Variants in PGAP2 observed in about 807,000 individuals in gnomAD.
PGAP2 encodes acyltransferase PGAP2.
In PGAP2, 21 loss-of-function variants were observed where a neutral mutation model predicts 33.2. The observed-to-expected ratio is 0.63, with a 90% CI of 0.45 to 0.91. The LOEUF is 0.91. Among genes scored for constraint, PGAP2 ranks in the 40% least tolerant of loss-of-function variants. PGAP2 has a pLI of 0.00. For synonymous variants in PGAP2, 161 were observed against 172.9 expected (o/e 0.93, Z 0.54); for missense variants, 345 against 424.0 (o/e 0.81, Z 1.64).
At chr11:3,814,748 TTTTCTTTCTTTC>T (rs57460101) in intron 2 of PGAP2, among the ~76,000 whole-genome samples, 6,355 of 111,168 alleles carry the variant, frequency 0.057, 260 homozygotes, top group African/African-American at 0.068. Flanking sequence ...TCTTTCCTTC[TTTTCTTTCTTTC>T]TTTCTTTCTT....
chr11:3,808,190 C>A (rs1590185700), upstream of PGAP2: 1 of 1,482,256 alleles, frequency 6.7e-7, no homozygotes, highest in Middle Eastern at 1.8e-4. Flanking sequence ...TTCAGAAGGG[C>A]GAGGCTGGAT....
upstream of PGAP2, chr11:3,808,320 G>C: frequency 1.3e-6 from 2 of 1,551,510 alleles, no homozygotes; most frequent in South Asian, 2.4e-5. Flanking sequence ...TGAGAGGTAA[G>C]GCGACAAGGT....
chr11:3,824,541 T>C, intron 5 of PGAP2, 165 bp downstream of exon 5: 1 of 1,054,680 alleles, frequency 9.5e-7, no homozygotes, highest in Non-Finnish European at 1.4e-6. Flanking sequence ...CTGAGGGTGG[T>C]TGGTCAGAAT....
At chr11:3,802,597 C>A (rs2083612855) in intron 1 of PGAP2, among the ~76,000 whole-genome samples, 1 of 152,046 alleles carries the variant, frequency 6.6e-6, no homozygotes, top group Non-Finnish European at 1.5e-5. Context: ...TGAGAACTCA[C>A]TGTATGCAGC....
Position 3,811,480 on chromosome 11 carries a change from A to G in PGAP2, c.165+56A>G. On this transcript the variant is annotated intron_variant, in intron 2 of 6. Transcript: ENST00000278243. This position sits in a 1 kb window ranked among gnomAD's most constrained non-coding sequence, Gnocchi z 4.6. ...TCAGGCCGATCTGGATCTTCTTTAG[A>G]TCTTGAATATCTTTTAACAAGATTA... is the stretch of plus-strand genomic sequence containing the variant. The G allele has an allele frequency of 6.7e-7, 1 of 1,496,926 alleles. No homozygotes were observed. The highest frequency in any genetic ancestry group is 9.1e-7 in the Non-Finnish European group (1 of 1,095,284). 92.7% of individuals were successfully genotyped at this position (1,496,926 alleles called of 1,614,324 possible).
chr11:3,803,928 C>T (rs1293132710), upstream of PGAP2, among the ~76,000 whole-genome samples: 7 of 151,888 alleles, frequency 4.6e-5, no homozygotes, highest in Non-Finnish European at 8.8e-5. Flanking sequence ...GTAGCTGGGA[C>T]TTCAGGCGCG....
At chr11:3,805,452 T>G (rs1258681410), upstream of PGAP2, among the ~76,000 whole-genome samples, 4 of 151,022 alleles carry the variant, frequency 2.6e-5, no homozygotes, top group Non-Finnish European at 5.9e-5. Flanking sequence ...TTGGTACAGA[T>G]GCTGTTGCCA....
upstream of PGAP2, among the ~76,000 whole-genome samples, chr11:3,807,559 C>T (rs1195855723): frequency 4.0e-5 from 6 of 151,856 alleles, no homozygotes; most frequent in Non-Finnish European, 7.4e-5. Context: ...CCGCCCGCCT[C>T]GGCCTCCTAA....
chr11:3,824,325 C>T lies in PGAP2; in HGVS notation c.657C>T (p.Leu219=), dbSNP rs368793106. Residue 219 remains leucine, a synonymous_variant, in exon 5 of 7, where the codon CTC becomes CTT. Transcript: ENST00000278243. ...TTGCCTCATCCCTCGGGCACATGCT[C>T]CTCACCTGCATTCTCTGGCGGTTGA... ...VFIASSLGHM[L]LTCILWRLTK... is the part of the protein sequence containing the mutation. The T allele has an allele frequency of 2.9e-5, 47 of 1,614,112 alleles. No individual in the cohort carries two copies. The Middle Eastern group carries it at 6.6e-4, about 23-fold the overall frequency.
intron 2 of PGAP2, chr11:3,816,252 A>T (rs910864637): frequency 6.5e-6 from 1 of 152,828 alleles, no homozygotes; most frequent in Non-Finnish European, 1.5e-5. Flanking sequence ...TTCAGCACCG[A>T]GTGTGAGTGT....
upstream of PGAP2, among the ~76,000 whole-genome samples, chr11:3,807,690 T>G (rs2084668178): frequency 1.3e-5 from 2 of 152,160 alleles, no homozygotes; most frequent in Non-Finnish European, 2.9e-5. Flanking sequence ...GAATGTGTTA[T>G]TGCTGTGAGG....
At chr11:3,801,514 C>T (rs1315173345) in intron 1 of PGAP2, among the ~76,000 whole-genome samples, 5 of 150,944 alleles carry the variant, frequency 3.3e-5, no homozygotes, top group African/African-American at 7.3e-5. Flanking sequence ...CGGTGGCAGG[C>T]GCCTGTAGTC....
rs1196680185 is a variant in PGAP2 at position 3,825,902 on chromosome 11, G to C, written c.*444G>C. 1 of 163,996 alleles carries C rather than the reference G, an allele frequency of 6.1e-6. No homozygotes were observed. Among genetic ancestry groups the C allele is most frequent in the East Asian group, 1.8e-4 (1 of 5,648 alleles). The allele number at this position is 163,996 out of a possible 1,614,324, so 10.2% of individuals were successfully genotyped here. ...TTTCATGATCTACTGTGCACATCCA[G>C]GCCTGTGGCCACAGTCCCCTGCTAA... On this transcript the variant is annotated 3_prime_UTR_variant, in exon 7 of 7. Coordinates refer to ENST00000278243, the MANE Select transcript of PGAP2 (RefSeq NM_014489.4).
intron 3 of PGAP2, among the ~76,000 whole-genome samples, chr11:3,818,931 AAAG>A (rs1313859015): frequency 1.3e-5 from 2 of 152,230 alleles, no homozygotes; most frequent in African/African-American, 2.4e-5. Flanking sequence ...GCTCTGTGGT[AAAG>A]AAGGCTCTTT....
chr11:3,802,984 A>G (rs7484107), intron 1 of PGAP2, among the ~76,000 whole-genome samples: 109,406 of 136,326 alleles, frequency 0.8, 44,440 homozygotes, highest in Non-Finnish European at 0.88. Context: ...CTGCCACCAC[A>G]CCCGGCTAAT....
chr11:3,814,757 TTTCTTTCTTTCTTTC>T (rs1565011666), intron 2 of PGAP2, among the ~76,000 whole-genome samples: 6 of 88,114 alleles, frequency 6.8e-5, no homozygotes, highest in South Asian at 4.1e-4. Context: ...CTTTTCTTTC[TTTCTTTCTTTCTTTC>T]TTTCTTTCTT....
At chr11:3,820,337 T>G (rs17173880) in intron 3 of PGAP2, among the ~76,000 whole-genome samples, 3,093 of 152,294 alleles carry the variant, frequency 0.02, 100 homozygotes, top group African/African-American at 0.071. Context: ...TCACTTATTG[T>G]ACTTAACTGC....
chr11:3,807,994 C>T (rs72844341), upstream of PGAP2: 149,434 of 1,288,526 alleles, frequency 0.12, 9,517 homozygotes, highest in Middle Eastern at 0.15. Flanking sequence ...TTCTGCGCTA[C>T]GTAGGACAGG....
In PGAP2 at chr11:3,825,852, G is replaced by A. The variant is rs751656767; in HGVS notation, c.*394G>A. On this transcript the variant is annotated 3_prime_UTR_variant, in exon 7 of 7. Transcript: ENST00000278243. ...GACAACCACAGCCATTTCTCTGCAC[G>A]GGGGTCATTCATAGGACTAATGTAT... is the stretch of plus-strand genomic sequence containing the variant. 1.2e-4 allele frequency: 24 copies of A among 198,242 alleles called. No individual in the cohort carries two copies. The highest frequency in any genetic ancestry group is 2.0e-4 in the Non-Finnish European group (19 of 94,636). 12.3% of individuals were successfully genotyped at this position (198,242 alleles called of 1,614,324 possible).
Sources: gnomAD v4.1 joint callset for allele counts (sites outside exome capture counted in the v4.1 genomes callset) on GRCh38, gnomAD v4.1.1 for gene constraint, Gnocchi (gnomAD v3.1) non-coding constraint, MANE v1.5 for transcripts, NCBI Gene and HGNC (gene_info 2026-07-23, HGNC 2026-07-21) for gene names.